Variants in LRRC73 observed in about 807,000 individuals in gnomAD.
LRRC73 encodes leucine-rich repeat-containing protein 73.
Under a neutral mutation model 26.4 loss-of-function variants are expected in LRRC73, and 16 were observed. That is an observed-to-expected ratio of 0.61 (90% CI 0.41 to 0.92). The LOEUF is 0.92. Ranked by LOEUF, LRRC73 falls within the 40% of genes least tolerant of loss-of-function variation. The pLI is 0.00. For synonymous variants in LRRC73, 210 were observed against 179.8 expected, an observed-to-expected ratio of 1.17 and a Z score of -1.34; for missense variants, 344 against 416.3, an observed-to-expected ratio of 0.83 and a Z score of 1.51.
intron 2 of LRRC73, 105 bp from the exon 3 acceptor site, chr6:43,508,525 C>T: frequency 6.5e-7 from 1 of 1,534,926 alleles, no homozygotes; most frequent in Non-Finnish European, 8.9e-7. Context: ...GGCTGGGCAC[C>T]ACCTTACCCC....
chr6:43,507,217 G>A (rs1450960427), exon 6 of LRRC73: 1 of 1,612,864 alleles, frequency 6.2e-7, no homozygotes. Context: ...GTGAAATGGT[G>A]TGCAGAGGCC....
chr6:43,507,651 G>A (rs1231977635), exon 5 of LRRC73: 2 of 1,614,102 alleles, frequency 1.2e-6, no homozygotes, highest in Non-Finnish European at 8.5e-7. Context: ...AAAGCTGTGG[G>A]GTAATTTTCT....
intron 1 of LRRC73, 46 bp from the exon 2 acceptor site, chr6:43,508,966 T>C (rs758402619): frequency 3.4e-6 from 5 of 1,475,418 alleles, no homozygotes; most frequent in East Asian, 4.9e-5. Context: ...CTCCGCACTA[T>C]CTACATGGGA....
intron 3 of LRRC73, among the ~76,000 whole-genome samples, 182 bp downstream of exon 3, chr6:43,508,116 G>A (rs1179428494): frequency 6.6e-6 from 1 of 152,206 alleles, no homozygotes; most frequent in East Asian, 1.9e-4. Context: ...CACGGGTGGT[G>A]ACTGATGTTT....
At chr6:43,509,390 T>C in intron 1 of LRRC73, 124 bp downstream of exon 1, 1 of 1,218,580 alleles carries the variant, frequency 8.2e-7, no homozygotes, top group Non-Finnish European at 1.1e-6. Context: ...CGAGGCACGG[T>C]GTATGTGCAT....
At chr6:43,507,702 A>G (rs751004069) in intron 4 of LRRC73, 24 bp from the exon 5 acceptor site, 1 of 1,611,374 alleles carries the variant, frequency 6.2e-7, no homozygotes. Context: ...GAATATGGAA[A>G]AGGATGAACA....
rs1409812503 is a variant in LRRC73 at position 43,507,772 on chromosome 6, T to C, written c.657+54A>G. On this transcript the variant is annotated intron_variant, in intron 4 of 5. Transcript: ENST00000372441. Reference sequence around the variant, plus strand: ...TGCCTTAGGTATGTCATCAGACACATAAACTAACCTCCACCCCATCCCCTG... The same window carrying C: ...TGCCTTAGGTATGTCATCAGACACACAAACTAACCTCCACCCCATCCCCTG... 8.1e-6 allele frequency: 13 copies of C among 1,595,542 alleles called. No homozygotes were observed. The South Asian group carries it at 1.2e-4, about 15-fold the overall frequency.
At chr6:43,507,096 C>T (rs529010015) in exon 6 of LRRC73, 2 of 832,166 alleles carry the variant, frequency 2.4e-6, no homozygotes, top group African/African-American at 1.7e-5. Context: ...TTCCTTCCCA[C>T]CACACTGCCA....
At chr6:43,507,522 C>T (rs1472512965) in exon 5 of LRRC73, 2 of 1,613,574 alleles carry the variant, frequency 1.2e-6, no homozygotes, top group South Asian at 1.1e-5. Flanking sequence ...CTCTCCCATT[C>T]CTGGGTGTCG....
intron 4 of LRRC73, 65 bp downstream of exon 4, chr6:43,507,761 C>T (rs1314182998): frequency 6.3e-7 from 1 of 1,589,978 alleles, no homozygotes; most frequent in Non-Finnish European, 8.6e-7. Flanking sequence ...TTAGGTATGT[C>T]ATCAGACACA....
chr6:43,508,184 C>A (rs189561232), intron 3 of LRRC73, 114 bp downstream of exon 3: 1 of 1,421,072 alleles, frequency 7.0e-7, no homozygotes, highest in Non-Finnish European at 9.4e-7. Flanking sequence ...CCCCTGGGGG[C>A]TCCCGTTTCT....
exon 6 of LRRC73, chr6:43,507,015 G>C (rs1206940065): frequency 1.8e-6 from 1 of 564,208 alleles, no homozygotes; most frequent in Non-Finnish European, 3.2e-6. Flanking sequence ...AGCCAGAGCT[G>C]CCAAGTTCAA....
chr6:43,508,031 G>C, intron 3 of LRRC73, 105 bp from the exon 4 acceptor site: 4 of 1,114,928 alleles, frequency 3.6e-6, no homozygotes, highest in Non-Finnish European at 5.2e-6. Flanking sequence ...CCTGGCCAAG[G>C]AAACATGGAC....
intron 1 of LRRC73, among the ~76,000 whole-genome samples, chr6:43,509,310 T>C (rs1441097121): frequency 6.6e-6 from 1 of 152,126 alleles, no homozygotes; most frequent in Non-Finnish European, 1.5e-5. Context: ...CTGGTGGGTA[T>C]CCCAACACGG....
At chr6:43,508,199 C>G in intron 3 of LRRC73, 99 bp downstream of exon 3, 1 of 1,477,158 alleles carries the variant, frequency 6.8e-7, no homozygotes, top group Non-Finnish European at 9.0e-7. Flanking sequence ...GTTTCTCTTC[C>G]CTCTCCCAGT....
exon 1 of LRRC73, chr6:43,509,843 G>A: frequency 7.2e-7 from 1 of 1,396,072 alleles, no homozygotes. Flanking sequence ...TGGGGCCGCG[G>A]GCGGGGCCGG....
chr6:43,508,742 C>T lies in LRRC73; in HGVS notation c.433+18G>A, dbSNP rs932941364. On this transcript the variant is annotated intron_variant, in intron 2 of 5. Coordinates refer to ENST00000372441, the Ensembl canonical transcript of LRRC73. ...TCACTGCCACACTAGCCCAAGCCCTCAACAGGGTCCTGCTCACCAGATTTG... is the reference window on the plus strand; with the variant it reads ...TCACTGCCACACTAGCCCAAGCCCTTAACAGGGTCCTGCTCACCAGATTTG... The T allele has an allele frequency of 6.9e-6, 11 of 1,589,524 alleles. No homozygotes were observed. Among genetic ancestry groups the T allele is most frequent in the Admixed American group, 3.5e-5 (2 of 57,568 alleles).
chr6:43,507,174 A>T, exon 6 of LRRC73: 5 of 1,569,064 alleles, frequency 3.2e-6, no homozygotes, highest in Non-Finnish European at 4.4e-6. Context: ...CCTGACCCTG[A>T]TATCTGGGGC....
At chr6:43,508,848 G>T in exon 2 of LRRC73, 1 of 1,613,084 alleles carries the variant, frequency 6.2e-7, no homozygotes, top group Non-Finnish European at 8.5e-7. Context: ...CCAGAGCCAC[G>T]AGGGCAGGGT....
Sources: gnomAD v4.1 joint callset for allele counts (sites outside exome capture counted in the v4.1 genomes callset) on GRCh38, gnomAD v4.1.1 for gene constraint, MANE v1.5 for transcripts, NCBI Gene and HGNC (gene_info 2026-07-23, HGNC 2026-07-21) for gene names.